The following PTPRK variants were observed in gnomAD, a reference collection of about 807,000 sequenced individuals.
PTPRK encodes receptor-type tyrosine-protein phosphatase kappa.
In PTPRK, 75 loss-of-function variants were observed where a neutral mutation model predicts 178.0. That is an observed-to-expected ratio of 0.42 (90% confidence interval 0.35 to 0.51). The LOEUF is 0.51. Among genes scored for constraint, PTPRK ranks in the 20% least tolerant of loss-of-function variants. The probability of loss-of-function intolerance (pLI) is 0.02; values close to 1 mark genes in which losing one functional copy is unlikely to be tolerated. For synonymous variants in PTPRK, 637 were observed against 620.6 expected (o/e 1.03, Z -0.39); for missense variants, 1,441 against 1,797.8 (o/e 0.80, Z 3.59).
At chr6:128,282,384 T>A (rs1821816760) in intron 3 of PTPRK, among the ~76,000 whole-genome samples, 2 of 152,186 alleles carry the variant, frequency 1.3e-5, no homozygotes, top group Non-Finnish European at 1.5e-5. Context: ...CTATACTTTT[T>A]AAATAACGCT....
intron 12 of PTPRK, 26 bp downstream of exon 12, chr6:128,067,493 A>G (rs745386511): frequency 2.7e-6 from 4 of 1,470,946 alleles, no homozygotes; most frequent in Non-Finnish European, 3.6e-6. Context: ...AAAGCAGGGA[A>G]AAAGCAAATC....
At chr6:128,123,945 A>G (rs923355680) in intron 7 of PTPRK, among the ~76,000 whole-genome samples, 4 of 152,040 alleles carry the variant, frequency 2.6e-5, no homozygotes, top group Non-Finnish European at 5.9e-5. Flanking sequence ...TACTAACAAC[A>G]TGACTTATCA....
At position 127,969,272 on chromosome 6, in the gene PTPRK, A is replaced by G. The variant is rs1773659584; in HGVS notation, c.*955T>C. ...TTAATGTGTACATTTCTCATGTATG[A>G]TCACCAAACCATTATTTACCTAATG... On this transcript the variant is annotated 3_prime_UTR_variant, in exon 30 of 30. Coordinates refer to ENST00000368226, the MANE Select transcript of PTPRK (RefSeq NM_002844.4). 1 of 152,184 alleles carries G rather than the reference A, an allele frequency of 6.6e-6. No individual in the cohort carries two copies. Among genetic ancestry groups the G allele is most frequent in the Non-Finnish European group, 1.5e-5 (1 of 68,038 alleles). 9.4% of individuals were successfully genotyped at this position (152,184 alleles called of 1,614,324 possible).
At chr6:128,273,215 C>T (rs1409698648) in intron 3 of PTPRK, among the ~76,000 whole-genome samples, 5 of 150,634 alleles carry the variant, frequency 3.3e-5, no homozygotes, top group African/African-American at 4.9e-5. Context: ...GTCGCGGGGT[C>T]GGGGGAGTGG....
At chr6:128,158,791 A>C (rs1798293904) in intron 7 of PTPRK, among the ~76,000 whole-genome samples, 1 of 151,894 alleles carries the variant, frequency 6.6e-6, no homozygotes, top group African/African-American at 2.4e-5. Flanking sequence ...AACCTTCATC[A>C]AACAGTTAAT....
intron 1 of PTPRK, among the ~76,000 whole-genome samples, chr6:128,440,034 A>T (rs1846082236): frequency 6.6e-6 from 1 of 152,168 alleles, no homozygotes; most frequent in South Asian, 2.1e-4. Context: ...TTTCAACCAA[A>T]CCAGAGAGAA....
intron 3 of PTPRK, among the ~76,000 whole-genome samples, chr6:128,298,306 A>G (rs562239576): frequency 1.5e-4 from 23 of 152,192 alleles, no homozygotes; most frequent in African/African-American, 4.3e-4. Flanking sequence ...AGGTACAAGG[A>G]GGAACTGGTA....
At chr6:128,224,281 A>G (rs1322311751) in intron 5 of PTPRK, among the ~76,000 whole-genome samples, 1 of 152,210 alleles carries the variant, frequency 6.6e-6, no homozygotes, top group East Asian at 1.9e-4. Context: ...AAGTTGCTGG[A>G]TAAAACTTGT....
At chr6:128,307,661 T>C (rs1826628758) in intron 3 of PTPRK, among the ~76,000 whole-genome samples, 1 of 151,500 alleles carries the variant, frequency 6.6e-6, no homozygotes, top group Non-Finnish European at 1.5e-5. Flanking sequence ...AAGACACAAA[T>C]GAAAACATGA....
chr6:128,003,984 T>G (rs1388101424), intron 15 of PTPRK, among the ~76,000 whole-genome samples: 1 of 151,840 alleles, frequency 6.6e-6, no homozygotes, highest in Non-Finnish European at 1.5e-5. Context: ...GATCCAATAG[T>G]TACTGAAAAA....
At chr6:128,149,165 G>C (rs956194042) in intron 7 of PTPRK, among the ~76,000 whole-genome samples, 1 of 119,320 alleles carries the variant, frequency 8.4e-6, no homozygotes, top group African/African-American at 3.1e-5. Context: ...GGGGCCTGTC[G>C]TGGGGTGGGG....
chr6:128,448,684 C>A (rs1055699187), intron 1 of PTPRK, among the ~76,000 whole-genome samples: 3 of 152,034 alleles, frequency 2.0e-5, no homozygotes, highest in Non-Finnish European at 2.9e-5. Context: ...ATTATGAATA[C>A]CATTTACAAC....
chr6:128,092,226 T>C lies in PTPRK; in HGVS notation c.1163-2234A>G, dbSNP rs141627117. On this transcript the variant is annotated intron_variant, in intron 7 of 29. Coordinates refer to ENST00000368226, the MANE Select transcript of PTPRK (RefSeq NM_002844.4). Reference sequence around the variant, plus strand: ...AAGAATTGACAAAGTCAATATGTTATTTGAAATTGACATTTTTTTCCACAG... The same window carrying C: ...AAGAATTGACAAAGTCAATATGTTACTTGAAATTGACATTTTTTTCCACAG... Among the ~76,000 whole-genome samples the C allele has an allele frequency of 3.1e-3, 471 of 152,264 alleles. 2 individuals carry two copies. Among genetic ancestry groups the C allele is most frequent in the African/African-American group, 0.011 (445 of 41,550 alleles).
chr6:128,286,529 T>G (rs761867226), intron 3 of PTPRK, among the ~76,000 whole-genome samples: 1 of 152,178 alleles, frequency 6.6e-6, no homozygotes, highest in African/African-American at 2.4e-5. Flanking sequence ...CTCCTTATTA[T>G]GTTCATATTT....
intron 7 of PTPRK, among the ~76,000 whole-genome samples, chr6:128,151,401 T>C (rs1002309331): frequency 2.6e-5 from 4 of 152,060 alleles, no homozygotes; most frequent in Non-Finnish European, 5.9e-5. Context: ...TTAATCTTTA[T>C]CTATATAGCT....
chr6:128,144,297 C>A (rs550041967), intron 7 of PTPRK, among the ~76,000 whole-genome samples: 19 of 152,210 alleles, frequency 1.2e-4, no homozygotes, highest in Non-Finnish European at 7.3e-5. Context: ...ACATGCAACT[C>A]ATATCAATTG....
chr6:128,367,918 C>A (rs1317873387), intron 2 of PTPRK, among the ~76,000 whole-genome samples: 2 of 152,134 alleles, frequency 1.3e-5, no homozygotes, highest in African/African-American at 4.8e-5. Context: ...TAATGATTTA[C>A]AATGTTAGTT....
At chr6:128,023,398 T>C (rs542777042) in intron 13 of PTPRK, among the ~76,000 whole-genome samples, 1 of 152,292 alleles carries the variant, frequency 6.6e-6, no homozygotes, top group Admixed American at 6.5e-5. Flanking sequence ...CTCTGGATGC[T>C]AGATTGGTAG....
intron 1 of PTPRK, among the ~76,000 whole-genome samples, chr6:128,492,326 A>G (rs1314515662): frequency 6.6e-6 from 1 of 152,186 alleles, no homozygotes; most frequent in Non-Finnish European, 1.5e-5. Flanking sequence ...TTGCCTCTTC[A>G]GCATGTTCCC....
Sources: allele counts gnomAD v4.1 joint callset (sites outside exome capture counted in the v4.1 genomes callset), GRCh38; gene constraint gnomAD v4.1.1; transcripts MANE v1.5; gene names NCBI Gene and HGNC (gene_info 2026-07-23, HGNC 2026-07-21).